The following GOLGA1 variants were observed in gnomAD, a reference collection of about 807,000 sequenced individuals.
GOLGA1 encodes golgin A1.
In GOLGA1, 63 loss-of-function variants were observed where a neutral mutation model predicts 119.7. The observed-to-expected ratio is 0.53, with a 90% CI of 0.43 to 0.65. GOLGA1 has a LOEUF of 0.65. GOLGA1 is among the 30% of genes least tolerant of loss of function. The pLI is 0.00. For missense variants in GOLGA1, 798 were observed against 912.8 expected (o/e 0.87, Z 1.62); for synonymous variants, 318 against 333.4 (o/e 0.95, Z 0.50).
At chr9:124,885,681 G>A (rs1829705816) in intron 19 of GOLGA1, among the ~76,000 whole-genome samples, 4 of 152,056 alleles carry the variant, frequency 2.6e-5, no homozygotes, top group Admixed American at 2.6e-4. Flanking sequence ...AAGGCCCTGA[G>A]GTTGGAGGGT....
chr9:124,930,887 A>G (rs1372952043), intron 4 of GOLGA1, among the ~76,000 whole-genome samples: 1 of 152,204 alleles, frequency 6.6e-6, no homozygotes, highest in Non-Finnish European at 1.5e-5. Context: ...AAAGACCTAC[A>G]ACAACACTTA....
intron 7 of GOLGA1, among the ~76,000 whole-genome samples, chr9:124,925,232 TAAAA>T (rs975079614): frequency 6.6e-6 from 1 of 152,072 alleles, no homozygotes; most frequent in Non-Finnish European, 1.5e-5. Flanking sequence ...TTTTAAAAGA[TAAAA>T]AAACAGTTCA....
At position 124,879,088 on chromosome 9, in the gene GOLGA1, A is replaced by C. The variant is rs1016602006; in HGVS notation, c.*1442T>G. 2 of 152,216 alleles carry C rather than the reference A, an allele frequency of 1.3e-5. No homozygotes were observed. Among genetic ancestry groups the C allele is most frequent in the Admixed American group, 1.3e-4 (2 of 15,288 alleles). 9.4% of individuals were successfully genotyped at this position (152,216 alleles called of 1,614,324 possible). A position where few individuals can be genotyped will look rare whatever the true frequency, so the allele number is the denominator to read the frequency against. ...TTCTTCATGGAAATTTCGTTAGGTT[A>C]ACGTTGCAAATGCGTGTTTTTCTGT... On this transcript the variant is annotated 3_prime_UTR_variant, in exon 23 of 23. Transcript: ENST00000373555.
intron 14 of GOLGA1, among the ~76,000 whole-genome samples, chr9:124,899,065 G>A (rs1170743483): frequency 6.6e-6 from 1 of 152,052 alleles, no homozygotes; most frequent in East Asian, 1.9e-4. Flanking sequence ...CTGTGGTGGT[G>A]CACGCCTGTA....
Position 124,914,747 on chromosome 9 carries a change from G to T in GOLGA1, c.844-2721C>A, listed in dbSNP as rs181467001. Among the ~76,000 whole-genome samples the T allele has an allele frequency of 1.2e-4, 19 of 152,334 alleles. No homozygotes were observed. In the East Asian group the frequency reaches 3.5e-3, roughly 28 times the overall value. ...AGCCCAAAGGCATATACCTATTAGCGATAGATGAAGAATTTAAATCCAGGT... is the reference window on the plus strand; with the variant it reads ...AGCCCAAAGGCATATACCTATTAGCTATAGATGAAGAATTTAAATCCAGGT... On this transcript the variant is annotated intron_variant, in intron 10 of 22. Coordinates refer to ENST00000373555, the MANE Select transcript of GOLGA1 (RefSeq NM_002077.4).
At chr9:124,939,195 T>C (rs1830944645) in intron 2 of GOLGA1, among the ~76,000 whole-genome samples, 2 of 152,106 alleles carry the variant, frequency 1.3e-5, no homozygotes, top group African/African-American at 4.8e-5. Flanking sequence ...CTTGGTAAAA[T>C]GTCCCAGAGC....
chr9:124,927,332 T>C (rs1014485348), intron 6 of GOLGA1, among the ~76,000 whole-genome samples: 2 of 152,204 alleles, frequency 1.3e-5, no homozygotes, highest in African/African-American at 4.8e-5. Flanking sequence ...GGCAATATCC[T>C]GATTGCCTAT....
chr9:124,931,551 G>A (rs185763297), intron 3 of GOLGA1, 145 bp from the exon 4 acceptor site: 2 of 591,288 alleles, frequency 3.4e-6, no homozygotes, highest in African/African-American at 1.9e-5. Flanking sequence ...TTCTCTACCT[G>A]GAAAGTGGAA....
At chr9:124,935,694 G>A (rs1830849543) in intron 3 of GOLGA1, among the ~76,000 whole-genome samples, 1 of 150,716 alleles carries the variant, frequency 6.6e-6, no homozygotes, top group South Asian at 2.1e-4. Context: ...CTACTTGGGA[G>A]GCTGAGTGAG....
chr9:124,920,408 C>T (rs545416205), intron 10 of GOLGA1, among the ~76,000 whole-genome samples: 2 of 151,940 alleles, frequency 1.3e-5, no homozygotes, highest in Non-Finnish European at 2.9e-5. Context: ...CTGAGAAACA[C>T]TACTTTATAT....
intron 15 of GOLGA1, among the ~76,000 whole-genome samples, chr9:124,894,073 ATGGTCAGCTCTTTGTCTCC>A (rs1268256548): frequency 6.6e-6 from 1 of 152,176 alleles, no homozygotes; most frequent in African/African-American, 2.4e-5. Flanking sequence ...GTCAAATCTA[ATGGTCAGCTCTTTGTCTCC>A]TTTCTTGACC....
intron 15 of GOLGA1, among the ~76,000 whole-genome samples, chr9:124,893,412 C>T (rs1829899906): frequency 6.6e-6 from 1 of 151,992 alleles, no homozygotes; most frequent in Non-Finnish European, 1.5e-5. Flanking sequence ...ATATCTGAGC[C>T]CTTGTGAGTC....
intron 10 of GOLGA1, among the ~76,000 whole-genome samples, chr9:124,917,370 CA>C (rs985688341): frequency 1.3e-5 from 2 of 152,042 alleles, no homozygotes; most frequent in African/African-American, 4.8e-5. Context: ...AAGAAAAAAA[CA>C]AATTCCAAAT....
intron 2 of GOLGA1, 21 bp from the exon 3 acceptor site, chr9:124,938,887 A>G: frequency 2.0e-6 from 1 of 505,714 alleles, no homozygotes; most frequent in Admixed American, 3.9e-5. Flanking sequence ...GATGAAAGAG[A>G]CAGTTCAAAA....
intron 2 of GOLGA1, among the ~76,000 whole-genome samples, chr9:124,939,550 CTTT>C (rs3051147): frequency 0.036 from 2,892 of 81,016 alleles, 112 homozygotes; most frequent in Admixed American, 0.14. Flanking sequence ...TTCTTTCTTT[CTTT>C]TTTTTTTTTT....
intron 3 of GOLGA1, among the ~76,000 whole-genome samples, chr9:124,931,941 T>C (rs1006349555): frequency 6.6e-6 from 1 of 152,216 alleles, no homozygotes; most frequent in South Asian, 2.1e-4. Flanking sequence ...CATACATTTT[T>C]CCCCAACAAA....
chr9:124,931,453 C>A, intron 3 of GOLGA1, 47 bp from the exon 4 acceptor site: 1 of 877,440 alleles, frequency 1.1e-6, no homozygotes. Flanking sequence ...ATGTGTGAGA[C>A]CACAATACTG....
chr9:124,941,728 C>T (rs912259611), upstream of GOLGA1, among the ~76,000 whole-genome samples: 1 of 152,206 alleles, frequency 6.6e-6, no homozygotes, highest in Non-Finnish European at 1.5e-5. Flanking sequence ...TGGCAGCTCA[C>T]TATATTGGAT....
chr9:124,891,994 G>A (rs1023707365), intron 15 of GOLGA1, among the ~76,000 whole-genome samples: 5 of 132,548 alleles, frequency 3.8e-5, no homozygotes, highest in African/African-American at 1.4e-4. Flanking sequence ...CATTTTTGTT[G>A]CCCAGGCTGG....
Sources: gnomAD v4.1 joint callset for allele counts (sites outside exome capture counted in the v4.1 genomes callset) on GRCh38, gnomAD v4.1.1 for gene constraint, MANE v1.5 for transcripts, NCBI Gene and HGNC (gene_info 2026-07-23, HGNC 2026-07-21) for gene names.